UBE2B: variants seen among roughly 807,000 people sequenced by gnomAD.
UBE2B encodes the protein ubiquitin-conjugating enzyme E2 B.
A neutral mutation model predicts 24.6 loss-of-function variants in UBE2B; 11 were observed. The observed-to-expected ratio is 0.45, with a 90% CI of 0.28 to 0.74. The LOEUF (loss-of-function observed/expected upper bound fraction) is 0.74. UBE2B is among the 30% of genes least tolerant of loss of function. The pLI is 0.13. For synonymous variants in UBE2B, 68 were observed against 62.4 expected, an observed-to-expected ratio of 1.09 and a Z score of -0.42; for missense variants, 78 against 185.6, an observed-to-expected ratio of 0.42 and a Z score of 3.37.
chr5:134,371,585 A>T lies in UBE2B; in HGVS notation c.-11A>T. 4 of 1,611,188 alleles carry T rather than the reference A, an allele frequency of 2.5e-6. No individual in the cohort carries two copies. The highest frequency in any genetic ancestry group is 3.4e-6 in the Non-Finnish European group (4 of 1,179,260). ...TTTTTTTTCAGACTGACCGCGGGGC[A>T]GCTGCGGAGCATGTCGACCCCGGCC... On this transcript the variant is annotated 5_prime_UTR_variant, in exon 1 of 6. Coordinates refer to ENST00000265339, the MANE Select transcript of UBE2B (RefSeq NM_003337.4).
intron 4 of UBE2B, 56 bp from the exon 5 acceptor site, chr5:134,388,269 C>G (rs908813091): frequency 1.4e-6 from 2 of 1,436,762 alleles, no homozygotes; most frequent in East Asian, 2.3e-5. Context: ...GTAAAGATTT[C>G]TCTTAACTGT....
intron 2 of UBE2B, 121 bp downstream of exon 2, chr5:134,374,584 C>A: frequency 1.8e-6 from 2 of 1,098,008 alleles, no homozygotes; most frequent in Non-Finnish European, 2.7e-6. Flanking sequence ...ACTAAAACTG[C>A]AAGATAAATT....
At chr5:134,372,487 TAA>T (rs1758483828) in intron 1 of UBE2B, among the ~76,000 whole-genome samples, 1 of 152,272 alleles carries the variant, frequency 6.6e-6, no homozygotes, top group South Asian at 2.1e-4. Flanking sequence ...ATAGAAAAAA[TAA>T]GTGAGAAAAC....
intron 4 of UBE2B, among the ~76,000 whole-genome samples, chr5:134,381,501 G>T (rs1758709315): frequency 6.6e-6 from 1 of 152,024 alleles, no homozygotes; most frequent in East Asian, 1.9e-4. Flanking sequence ...TGAACTCCTA[G>T]CCTCAAGCAG....
In UBE2B at chr5:134,383,473, C is replaced by CTT. The variant is rs747399191; in HGVS notation, c.241+2691_241+2692dup. Among the ~76,000 whole-genome samples the CTT allele has an allele frequency of 6.2e-3, 495 of 79,940 alleles. 39 individuals are homozygous for CTT. The highest frequency in any genetic ancestry group is 0.015 in the African/African-American group (276 of 18,392). 52.4% of individuals were successfully genotyped at this position (79,940 alleles called of 152,430 possible). ...TGCAGATGTGTGCCACCATACCCAGCTTTTTTTTTTTTTTTTTTTTTTTTT... is the reference window on the plus strand; with the variant it reads ...TGCAGATGTGTGCCACCATACCCAGCTTTTTTTTTTTTTTTTTTTTTTTTTTT... On this transcript the variant is annotated intron_variant, in intron 4 of 5. Coordinates refer to ENST00000265339, the MANE Select transcript of UBE2B (RefSeq NM_003337.4).
At chr5:134,381,662 G>A (rs1403321449) in intron 4 of UBE2B, among the ~76,000 whole-genome samples, 1 of 152,146 alleles carries the variant, frequency 6.6e-6, no homozygotes, top group African/African-American at 2.4e-5. Flanking sequence ...AGTAATACAT[G>A]GTCGGGCATG....
chr5:134,388,913 T>G (rs1276590256), intron 5 of UBE2B: 1 of 366,332 alleles, frequency 2.7e-6, no homozygotes, highest in Non-Finnish European at 5.2e-6. Flanking sequence ...GTGATGTTCT[T>G]TTTAAAGTTT....
At chr5:134,371,663 G>A in intron 1 of UBE2B, 24 bp downstream of exon 1, 1 of 1,613,316 alleles carries the variant, frequency 6.2e-7, no homozygotes, top group South Asian at 1.1e-5. Context: ...CCTTCGCCTA[G>A]ATGACGGCCC....
chr5:134,388,188 G>T, intron 4 of UBE2B, 137 bp from the exon 5 acceptor site: 1 of 705,646 alleles, frequency 1.4e-6, no homozygotes, highest in South Asian at 1.7e-5. Flanking sequence ...TTTAAGACAG[G>T]TTATCCTGTG....
At chr5:134,382,249 C>CAG (rs1304665804) in intron 4 of UBE2B, among the ~76,000 whole-genome samples, 1 of 151,564 alleles carries the variant, frequency 6.6e-6, no homozygotes, top group African/African-American at 2.4e-5. Flanking sequence ...GACCAGGAGT[C>CAG]AGAGACCAGC....
intron 4 of UBE2B, among the ~76,000 whole-genome samples, chr5:134,382,192 CCTATAAT>C (rs1758719209): frequency 6.6e-6 from 1 of 152,088 alleles, no homozygotes. Context: ...GTGGTTCATA[CCTATAAT>C]CCCAGCACCT....
intron 2 of UBE2B, 119 bp downstream of exon 2, chr5:134,374,582 T>A: frequency 8.9e-7 from 1 of 1,128,280 alleles, no homozygotes; most frequent in Non-Finnish European, 1.3e-6. Context: ...GGACTAAAAC[T>A]GCAAGATAAA....
At position 134,390,372 on chromosome 5, in the gene UBE2B, A is replaced by G. The variant is rs1561683921; in HGVS notation, c.*19A>G. The G allele has an allele frequency of 3.1e-6, 5 of 1,613,562 alleles. No homozygotes were observed. The highest frequency in any genetic ancestry group is 4.2e-6 in the Non-Finnish European group (5 of 1,179,654). ...TTCATAATAGACAACTGGTCTGTTA[A>G]TCTTTTTCATCATTGTTGTGTATAA... On this transcript the variant is annotated 3_prime_UTR_variant, in exon 6 of 6. Coordinates refer to ENST00000265339, the MANE Select transcript of UBE2B (RefSeq NM_003337.4). The surrounding 1 kb of genome is among the most constrained non-coding windows in gnomAD (Gnocchi z 4.6).
chr5:134,376,730 G>A (rs111350869), intron 3 of UBE2B, 36 bp downstream of exon 3: 1 of 1,576,758 alleles, frequency 6.3e-7, no homozygotes, highest in Non-Finnish European at 8.6e-7. Context: ...ATAGTGTTAT[G>A]AGGTTACTTT....
chr5:134,376,166 T>C (rs918320898), intron 2 of UBE2B, among the ~76,000 whole-genome samples: 3 of 149,348 alleles, frequency 2.0e-5, no homozygotes, highest in Non-Finnish European at 4.4e-5. Flanking sequence ...AAACCCCGTT[T>C]CTACTAAAAA....
Position 134,390,769 on chromosome 5 carries a change from C to T in UBE2B, c.*416C>T, listed in dbSNP as rs577860241. The T allele has an allele frequency of 2.7e-5, 6 of 218,916 alleles. No individual in the cohort carries two copies. The highest frequency in any genetic ancestry group is 1.4e-4 in the African/African-American group (6 of 42,288). 13.6% of individuals were successfully genotyped at this position (218,916 alleles called of 1,614,324 possible). Reference sequence around the variant, plus strand: ...CATGTAAAGCTGTTAAAATACATAACTTCAGTGCAAGAGACTTTGTCACTT... The same window carrying T: ...CATGTAAAGCTGTTAAAATACATAATTTCAGTGCAAGAGACTTTGTCACTT... On this transcript the variant is annotated 3_prime_UTR_variant, in exon 6 of 6. Transcript: ENST00000265339. This position sits in a 1 kb window ranked among gnomAD's most constrained non-coding sequence, Gnocchi z 4.6.
chr5:134,374,013 C>T (rs1361227792), intron 1 of UBE2B, among the ~76,000 whole-genome samples: 1 of 152,080 alleles, frequency 6.6e-6, no homozygotes, highest in Non-Finnish European at 1.5e-5. Flanking sequence ...AATGGGATGG[C>T]TGGGTCAAAT....
intron 4 of UBE2B, among the ~76,000 whole-genome samples, chr5:134,381,996 C>T (rs1446579599): frequency 6.6e-6 from 1 of 152,170 alleles, no homozygotes; most frequent in Non-Finnish European, 1.5e-5. Flanking sequence ...CACCTGTAGT[C>T]CCAGCTACTC....
intron 4 of UBE2B, among the ~76,000 whole-genome samples, chr5:134,386,802 C>T (rs1417708919): frequency 6.6e-6 from 1 of 151,790 alleles, no homozygotes; most frequent in Non-Finnish European, 1.5e-5. Flanking sequence ...TAATTAAAAA[C>T]TTATTTTTAA....
Sources: gnomAD v4.1 joint callset for allele counts (sites outside exome capture counted in the v4.1 genomes callset) on GRCh38, gnomAD v4.1.1 for gene constraint, Gnocchi (gnomAD v3.1) non-coding constraint, MANE v1.5 for transcripts, NCBI Gene and HGNC (gene_info 2026-07-23, HGNC 2026-07-21) for gene names.